The following CLCN7 variants were observed in gnomAD, a reference collection of about 807,000 sequenced individuals.
CLCN7 encodes the protein H(+)/Cl(-) exchange transporter 7.
In CLCN7, 60 loss-of-function variants were observed where a neutral mutation model predicts 102.1. That is an observed-to-expected ratio of 0.59 (90% CI 0.48 to 0.73). CLCN7 has a LOEUF of 0.73. CLCN7 is among the 30% of genes least tolerant of loss of function. The probability of loss-of-function intolerance (pLI) is 0.00; values close to 1 mark genes in which losing one functional copy is unlikely to be tolerated. For synonymous variants in CLCN7, 560 were observed against 490.5 expected (o/e 1.14, Z -1.87); for missense variants, 962 against 1,125.7 (o/e 0.85, Z 2.08).
At chr16:1,460,328 G>A in intron 6 of CLCN7, 90 bp downstream of exon 6, 1 of 930,070 alleles carries the variant, frequency 1.1e-6, no homozygotes, top group East Asian at 2.4e-5. Flanking sequence ...GTGATGGTGG[G>A]GGTGGGTGAG....
intron 1 of CLCN7, chr16:1,474,397 G>A: frequency 2.9e-6 from 1 of 344,308 alleles, no homozygotes; most frequent in South Asian, 2.1e-5. Flanking sequence ...AATCTTAACT[G>A]TTTCCATCTC....
chr16:1,468,658 G>T (rs1305691637), intron 1 of CLCN7, among the ~76,000 whole-genome samples: 2 of 152,234 alleles, frequency 1.3e-5, no homozygotes, highest in South Asian at 2.1e-4. Flanking sequence ...GCGAGACTCG[G>T]GCCGGACGGG....
intron 13 of CLCN7, 30 bp downstream of exon 13, chr16:1,454,381 C>T (rs761677173): frequency 1.9e-5 from 31 of 1,602,584 alleles, no homozygotes; most frequent in East Asian, 8.9e-5. Flanking sequence ...GCCCGCAGGC[C>T]GTCCCTGCGG....
chr16:1,473,547 G>T (rs918316474), intron 1 of CLCN7, among the ~76,000 whole-genome samples: 4 of 150,664 alleles, frequency 2.7e-5, no homozygotes, highest in African/African-American at 7.3e-5. Flanking sequence ...CTAATTTTTT[G>T]TATTTTTAGT....
chr16:1,449,696 T>C, intron 17 of CLCN7: 1 of 372,098 alleles, frequency 2.7e-6, no homozygotes, highest in South Asian at 3.0e-5. Flanking sequence ...AACCCAGGCA[T>C]GGAGGCTGCA....
rs1280722225 is a variant in CLCN7 at position 1,451,672 on chromosome 16, G to A, written c.1398C>T (p.Phe466=). The A allele has an allele frequency of 1.2e-6, 2 of 1,612,892 alleles. No individual in the cohort carries two copies. Among genetic ancestry groups the A allele is most frequent in the Admixed American group, 1.7e-5 (1 of 60,022 alleles). The part of the protein sequence containing the change: ...DGEYNSMAAA[F]FNTPEKSVVS... The stretch of plus-strand genomic sequence containing the variant: ...CCACGCTCTTCTCCGGGGTGTTGAA[G>A]AAGGCCGCAGCCATGGAGTTGTACT... Residue 466 remains phenylalanine (F), a synonymous_variant, in exon 16 of 25, where the codon TTC becomes TTT. Transcript: ENST00000382745.
At position 1,461,479 on chromosome 16, in the gene CLCN7, C is replaced by T. The variant is rs200321142; in HGVS notation, c.286-9G>A. ...TTGTCATAGTCCAAGCTCTGCAGGCCGGGACAGCAAGGGCAGCACTCAGCA... is the reference window on the plus strand; with the variant it reads ...TTGTCATAGTCCAAGCTCTGCAGGCTGGGACAGCAAGGGCAGCACTCAGCA... On this transcript the variant is annotated splice_polypyrimidine_tract_variant and intron_variant, in intron 3 of 24. Coordinates refer to ENST00000382745, the MANE Select transcript of CLCN7 (RefSeq NM_001287.6). 1.9e-6 allele frequency: 3 copies of T among 1,584,242 alleles called. No individual in the cohort carries two copies. Among genetic ancestry groups the T allele is most frequent in the Non-Finnish European group, 2.6e-6 (3 of 1,166,070 alleles).
At chr16:1,450,695 T>TGGGTCTAGCAACG in intron 16 of CLCN7, 29 bp from the exon 17 acceptor site, 1 of 1,363,940 alleles carries the variant, frequency 7.3e-7, no homozygotes, top group Non-Finnish European at 1.0e-6. Flanking sequence ...TGACGGGGCC[T>TGGGTCTAGCAACG]CCACGACTCC....
rs144511808 is a variant in CLCN7, at chr16:1,447,014, G to A, written c.2323C>T (p.Arg775Cys). 19 of 1,596,544 alleles carry A rather than the reference G, an allele frequency of 1.2e-5. No homozygotes were observed. Among genetic ancestry groups the A allele is most frequent in the African/African-American group, 2.7e-5 (2 of 74,556 alleles). ...CCACCGCCCCCGCTCACCTGATTGC[G>A]GTTGTCCACCACCACCAGGTGCCGC... ...GLRHLVVVDN[R>C]NQVVGLVTRK... The change falls in exon 24 of 25, where the codon CGC becomes TGC. Residue 775 changes from arginine to cysteine, a missense_variant. Arg to Cys is a radical substitution (Grantham distance 180). This residue lies in a region of CLCN7 where 799 missense variants were observed against 988.0 expected (regional missense o/e 0.81). Transcript: ENST00000382745.
At chr16:1,461,732 C>T (rs370214096) in intron 2 of CLCN7, 58 bp from the exon 3 acceptor site, 78 of 1,404,646 alleles carry the variant, frequency 5.6e-5, no homozygotes, top group Non-Finnish European at 7.1e-5. Flanking sequence ...AGGAGAGAGG[C>T]CCCTCTCAGC....
rs1294772737 is a variant in CLCN7, at chr16:1,445,921, C to T, written c.*710G>A. ...GTTGGGGGACCAAGGCAGGGCTGGG[C>T]ATGGGGCTCAGGGCCTTGGAGGTTT... On this transcript the variant is annotated 3_prime_UTR_variant, in exon 25 of 25. Coordinates refer to ENST00000382745, the MANE Select transcript of CLCN7 (RefSeq NM_001287.6). The T allele has an allele frequency of 4.0e-6, 1 of 249,328 alleles. No homozygotes were observed. The highest frequency in any genetic ancestry group is 7.7e-6 in the Non-Finnish European group (1 of 129,856). The allele number at this position is 249,328 out of a possible 1,614,324, so 15.4% of individuals were successfully genotyped here. A position where few individuals can be genotyped will look rare whatever the true frequency, so the allele number is the denominator to read the frequency against.
intron 2 of CLCN7, 41 bp downstream of exon 2, chr16:1,465,226 C>T (rs1244560723): frequency 1.3e-6 from 2 of 1,587,448 alleles, no homozygotes; most frequent in African/African-American, 1.3e-5. Flanking sequence ...TGCTAAGATG[C>T]AGCTAGCTCT....
rs769089903 is a variant in CLCN7 at position 1,448,673 on chromosome 16, C to T, written c.1883+8G>A. 40 of 1,612,366 alleles carry T rather than the reference C, an allele frequency of 2.5e-5. No homozygotes were observed. Among genetic ancestry groups the T allele is most frequent in the Admixed American group, 1.0e-4 (6 of 60,006 alleles). ...CCTCCCCACCCACAGGTGTCCTGGGCGCTGTACCTGGCAGTGAGTGAGTGT... is the reference window on the plus strand; with the variant it reads ...CCTCCCCACCCACAGGTGTCCTGGGTGCTGTACCTGGCAGTGAGTGAGTGT... On this transcript the variant is annotated splice_region_variant and intron_variant, in intron 20 of 24. Transcript: ENST00000382745.
chr16:1,449,259 C>A lies in CLCN7; in HGVS notation c.1669+17G>T, dbSNP rs1419461799. On this transcript the variant is annotated intron_variant, in intron 18 of 24. Transcript: ENST00000382745. ...CCCGTGGAGCTCCCCACCCATCGGG[C>A]AAGAGCTGGGACATACCCAGCTGGG... is the stretch of plus-strand genomic sequence containing the variant. 3.2e-6 allele frequency: 5 copies of A among 1,579,472 alleles called. No individual in the cohort carries two copies. The highest frequency in any genetic ancestry group is 4.3e-6 in the Non-Finnish European group (5 of 1,163,292).
intron 1 of CLCN7, among the ~76,000 whole-genome samples, chr16:1,471,250 G>A (rs143777856): frequency 4.1e-4 from 62 of 152,170 alleles, no homozygotes; most frequent in Admixed American, 1.3e-3. Flanking sequence ...CTGTGCCCAC[G>A]CTGAGGTGGC....
intron 15 of CLCN7, chr16:1,452,530 C>A: frequency 1.7e-6 from 1 of 581,476 alleles, no homozygotes; most frequent in Non-Finnish European, 3.1e-6. Flanking sequence ...CTGGGGGGAG[C>A]CTCTGGCCCC....
chr16:1,461,632 T>TCCCCAA lies in CLCN7; in HGVS notation c.255_256insTTGGGG (p.His85_Asn86insLeuGly). Reference sequence around the variant, plus strand: ...TACTTGAGGGACAGGAGCTTCTCGTTGTGTGGGATCTCCTTGGGGAAGGGA... The same window carrying TCCCCAA: ...TACTTGAGGGACAGGAGCTTCTCGTTCCCCAAGTGTGGGATCTCCTTGGGGAAGGGA... On this transcript the variant is annotated inframe_insertion, in exon 3 of 25. Transcript: ENST00000382745. The TCCCCAA allele has an allele frequency of 6.2e-7, 1 of 1,614,080 alleles. No individual in the cohort carries two copies. The highest frequency in any genetic ancestry group is 1.1e-5 in the South Asian group (1 of 91,064).
chr16:1,447,474 G>A lies in CLCN7; in HGVS notation c.2168C>T (p.Ser723Phe), dbSNP rs1343972894. The change falls in exon 23 of 25, where the codon TCC becomes TTC. Residue 723 changes from serine (S) to phenylalanine (F), a missense_variant. By Grantham distance (155) the Ser-to-Phe change is radical. Around this residue, in one of 2 missense-constraint regions of CLCN7, gnomAD observed 799 missense variants for 988.0 expected, o/e 0.81. Coordinates refer to ENST00000382745, the MANE Select transcript of CLCN7 (RefSeq NM_001287.6). The stretch of plus-strand genomic sequence containing the variant: ...CCGCTCGTCCTGGGACACGTGGATG[G>A]ACTGGATGGGTGGGAAGCGCGGGTA... ...DAYPRFPPIQ[S>F]IHVSQDEREC... The A allele has an allele frequency of 6.4e-7, 1 of 1,553,148 alleles. No homozygotes were observed. Among genetic ancestry groups the A allele is most frequent in the South Asian group, 1.2e-5 (1 of 84,264 alleles).
intron 16 of CLCN7, among the ~76,000 whole-genome samples, 173 bp from the exon 17 acceptor site, chr16:1,450,839 G>C (rs2038737141): frequency 7.8e-6 from 1 of 127,518 alleles, no homozygotes; most frequent in Admixed American, 7.7e-5. Context: ...CTGGGAAGCA[G>C]AAAGGCTAAA....
Sources: gnomAD v4.1 joint callset for allele counts (sites outside exome capture counted in the v4.1 genomes callset) on GRCh38, gnomAD v4.1.1 for gene constraint, gnomAD v4.1.1 regional missense constraint, MANE v1.5 for transcripts, NCBI Gene and HGNC (gene_info 2026-07-23, HGNC 2026-07-21) for gene names.